RAB4A: variants seen among roughly 807,000 people sequenced by gnomAD.
RAB4A encodes the protein ras-related protein Rab-4A.
Under a neutral mutation model 34.5 loss-of-function variants are expected in RAB4A, and 20 were observed. The observed-to-expected ratio is 0.58, with a 90% CI of 0.41 to 0.84. The LOEUF (loss-of-function observed/expected upper bound fraction) is 0.84, where lower values mean the gene tolerates loss of function less well. Ranked by LOEUF, RAB4A falls within the 40% of genes least tolerant of loss-of-function variation. The probability of loss-of-function intolerance (pLI) is 0.00; values close to 1 mark genes in which losing one functional copy is unlikely to be tolerated. For missense variants in RAB4A, 228 were observed against 274.5 expected, an observed-to-expected ratio of 0.83 and a Z score of 1.20; for synonymous variants, 102 against 100.0, an observed-to-expected ratio of 1.02 and a Z score of -0.12.
intron 1 of RAB4A, among the ~76,000 whole-genome samples, chr1:229,284,262 G>T (rs1558236579): frequency 6.6e-6 from 1 of 151,732 alleles, no homozygotes; most frequent in Non-Finnish European, 1.5e-5. Flanking sequence ...ACCACGCCTG[G>T]CTCATTGTTG....
At chr1:229,280,069 A>G (rs1260249446) in intron 1 of RAB4A, among the ~76,000 whole-genome samples, 1 of 152,202 alleles carries the variant, frequency 6.6e-6, no homozygotes, top group Non-Finnish European at 1.5e-5. Flanking sequence ...AACATATAAA[A>G]CATACACATG....
At chr1:229,295,949 G>A in intron 4 of RAB4A, 39 bp downstream of exon 4, 2 of 1,602,436 alleles carry the variant, frequency 1.2e-6, no homozygotes, top group Non-Finnish European at 1.7e-6. Context: ...GGTGCTCAGT[G>A]CCCTGCAGCC....
At chr1:229,271,876 C>G (rs1656494167) in intron 1 of RAB4A, among the ~76,000 whole-genome samples, 1 of 152,204 alleles carries the variant, frequency 6.6e-6, no homozygotes, top group African/African-American at 2.4e-5. Context: ...TCATTCATCT[C>G]TTCCTCCGGA....
intron 1 of RAB4A, among the ~76,000 whole-genome samples, chr1:229,273,515 G>A (rs1247231041): frequency 2.0e-5 from 3 of 152,206 alleles, no homozygotes; most frequent in African/African-American, 2.4e-5. Flanking sequence ...CGAGTTGGGC[G>A]GATCACTTGA....
At chr1:229,273,236 A>G (rs1286902354) in intron 1 of RAB4A, among the ~76,000 whole-genome samples, 3 of 152,228 alleles carry the variant, frequency 2.0e-5, no homozygotes, top group Non-Finnish European at 2.9e-5. Context: ...ATAACAACTG[A>G]TAAAATAGAG....
At chr1:229,292,389 A>G (rs1657113191) in intron 3 of RAB4A, among the ~76,000 whole-genome samples, 1 of 152,220 alleles carries the variant, frequency 6.6e-6, no homozygotes, top group South Asian at 2.1e-4. Flanking sequence ...GATACAGCTT[A>G]TCTTGAAGAG....
Position 229,295,707 on chromosome 1 carries a change from C to G in RAB4A, c.228-141C>G, listed in dbSNP as rs1445091675. ...ACCCCTCACATGTATGTTCAAATAT[C>G]TTTGAATCATTTCTCTTTTAAACCA... On this transcript the variant is annotated intron_variant, in intron 3 of 7. Transcript: ENST00000366690. 1.9e-5 allele frequency: 14 copies of G among 748,564 alleles called. No individual in the cohort carries two copies. In the South Asian group the frequency reaches 2.3e-4, roughly 12 times the overall value. The allele number at this position is 748,564 out of a possible 1,614,324, so 46.4% of individuals were successfully genotyped here. A position where few individuals can be genotyped will look rare whatever the true frequency, so the allele number is the denominator to read the frequency against.
chr1:229,295,695 A>G (rs1242309156), intron 3 of RAB4A, among the ~76,000 whole-genome samples, 153 bp from the exon 4 acceptor site: 1 of 152,202 alleles, frequency 6.6e-6, no homozygotes, highest in Non-Finnish European at 1.5e-5. Flanking sequence ...CCTCACATGT[A>G]TGTTCAAATA....
chr1:229,286,470 T>C lies in RAB4A; in HGVS notation c.32-16T>C. 1 of 1,488,636 alleles carries C rather than the reference T, an allele frequency of 6.7e-7. No homozygotes were observed. Among genetic ancestry groups the C allele is most frequent in the Non-Finnish European group, 9.2e-7 (1 of 1,087,942 alleles). The allele number at this position is 1,488,636 out of a possible 1,614,324, so 92.2% of individuals were successfully genotyped here. A position where few individuals can be genotyped will look rare whatever the true frequency, so the allele number is the denominator to read the frequency against. On this transcript the variant is annotated splice_polypyrimidine_tract_variant and intron_variant, in intron 1 of 7. Transcript: ENST00000366690. ...CTATTTTGAAGTTATTTTCACAGTC[T>C]CTTTTTATCTTTCAGATTTTTTGTT...
At chr1:229,293,130 A>G (rs1288808740) in intron 3 of RAB4A, among the ~76,000 whole-genome samples, 1 of 152,218 alleles carries the variant, frequency 6.6e-6, no homozygotes, top group African/African-American at 2.4e-5. Context: ...GTGTCAATTC[A>G]GGCACAGCCT....
At chr1:229,288,372 G>T (rs973435747) in intron 2 of RAB4A, among the ~76,000 whole-genome samples, 1 of 152,176 alleles carries the variant, frequency 6.6e-6, no homozygotes, top group Non-Finnish European at 1.5e-5. Context: ...GTCACTGGGC[G>T]TTATGCCCTT....
At chr1:229,286,630 T>G in intron 2 of RAB4A, 64 bp downstream of exon 2, 1 of 1,045,182 alleles carries the variant, frequency 9.6e-7, no homozygotes, top group Non-Finnish European at 1.4e-6. Flanking sequence ...CACTCAGATT[T>G]GTTTACAGTA....
At chr1:229,275,962 G>A (rs237749) in intron 1 of RAB4A, among the ~76,000 whole-genome samples, 1 of 150,590 alleles carries the variant, frequency 6.6e-6, no homozygotes, top group South Asian at 2.1e-4. Flanking sequence ...TTCCAATAAA[G>A]TATGAAATAA....
chr1:229,302,361 A>G (rs1657436700), intron 6 of RAB4A, among the ~76,000 whole-genome samples: 1 of 130,056 alleles, frequency 7.7e-6, no homozygotes, highest in Non-Finnish European at 1.6e-5. Context: ...ACAAATGCCC[A>G]GAAGTGGAAT....
intron 1 of RAB4A, among the ~76,000 whole-genome samples, chr1:229,272,462 C>T (rs1485603185): frequency 2.6e-5 from 4 of 152,160 alleles, no homozygotes; most frequent in South Asian, 2.1e-4. Flanking sequence ...TCTCATGGAG[C>T]GTAGTCTATT....
intron 1 of RAB4A, among the ~76,000 whole-genome samples, chr1:229,282,897 A>C (rs1656811343): frequency 6.6e-6 from 1 of 152,228 alleles, no homozygotes; most frequent in Non-Finnish European, 1.5e-5. Flanking sequence ...CTGCTTTAAA[A>C]TCTTTGTCAG....
Position 229,271,301 on chromosome 1 carries a change from G to A in RAB4A, c.-39G>A. On this transcript the variant is annotated 5_prime_UTR_variant, in exon 1 of 8. Coordinates refer to ENST00000366690, the MANE Select transcript of RAB4A (RefSeq NM_004578.4). Reference sequence around the variant, plus strand: ...ACGCGCCGGCGGACCGCGGGCGAGTGCAGCCGGTGACCCGGCGAGAGGCGG... The same window carrying A: ...ACGCGCCGGCGGACCGCGGGCGAGTACAGCCGGTGACCCGGCGAGAGGCGG... 7.5e-7 allele frequency: 1 copy of A among 1,331,356 alleles called. No individual in the cohort carries two copies. The highest frequency in any genetic ancestry group is 3.3e-5 in the Admixed American group (1 of 29,882). The allele number at this position is 1,331,356 out of a possible 1,614,324, so 82.5% of individuals were successfully genotyped here. A position where few individuals can be genotyped will look rare whatever the true frequency, so the allele number is the denominator to read the frequency against.
intron 5 of RAB4A, among the ~76,000 whole-genome samples, chr1:229,297,976 T>C (rs899255360): frequency 2.0e-5 from 3 of 152,174 alleles, no homozygotes; most frequent in Non-Finnish European, 4.4e-5. Context: ...TTAATGTATT[T>C]TGAAGGAAAT....
At chr1:229,296,576 C>T (rs941658608) in intron 4 of RAB4A, among the ~76,000 whole-genome samples, 1 of 152,230 alleles carries the variant, frequency 6.6e-6, no homozygotes, top group African/African-American at 2.4e-5. Context: ...GATTATAGAA[C>T]ATTCCTATCC....
Sources: gnomAD v4.1 joint callset for allele counts (sites outside exome capture counted in the v4.1 genomes callset) on GRCh38, gnomAD v4.1.1 for gene constraint, MANE v1.5 for transcripts, NCBI Gene and HGNC (gene_info 2026-07-23, HGNC 2026-07-21) for gene names.